The following MED12L variants were observed in gnomAD, a reference collection of about 807,000 sequenced individuals.
MED12L encodes mediator of RNA polymerase II transcription subunit 12-like protein.
A neutral mutation model predicts 281.3 loss-of-function variants in MED12L; 60 were observed. That is an observed-to-expected ratio of 0.21 (90% CI 0.17 to 0.26). The LOEUF (loss-of-function observed/expected upper bound fraction) is 0.26. Among genes scored for constraint, MED12L ranks in the 10% least tolerant of loss-of-function variants. MED12L has a pLI of 1.00. For synonymous variants in MED12L, 974 were observed against 987.2 expected, an observed-to-expected ratio of 0.99 and a Z score of 0.25; for missense variants, 2,146 against 2,680.9, an observed-to-expected ratio of 0.80 and a Z score of 4.41.
chr3:151,337,516 G>T, intron 16 of MED12L: 1 of 308,804 alleles, frequency 3.2e-6, no homozygotes, highest in Non-Finnish European at 6.0e-6. Context: ...AATATTATAT[G>T]ATTACTCATT....
intron 16 of MED12L, among the ~76,000 whole-genome samples, chr3:151,301,090 G>GT (rs750770373): frequency 1.5e-4 from 23 of 152,058 alleles, no homozygotes; most frequent in Admixed American, 3.3e-4. Context: ...GTCAGAAAGT[G>GT]TTTTTTTGGT....
At chr3:151,213,948 A>G (rs1257914732) in intron 16 of MED12L, 1 of 1,614,130 alleles carries the variant, frequency 6.2e-7, no homozygotes, top group Non-Finnish European at 8.5e-7. Flanking sequence ...GAGGCTTTAC[A>G]ATTTTATAAT....
At chr3:151,379,623 C>T (rs1711877086) in intron 31 of MED12L, among the ~76,000 whole-genome samples, 1 of 152,182 alleles carries the variant, frequency 6.6e-6, no homozygotes, top group African/African-American at 2.4e-5. Flanking sequence ...TACTAACACC[C>T]TGCTTTTTGG....
chr3:151,185,278 T>C, intron 11 of MED12L, 52 bp from the exon 12 acceptor site: 1 of 1,579,150 alleles, frequency 6.3e-7, no homozygotes, highest in East Asian at 2.3e-5. Context: ...TGCCTCTTGC[T>C]GGGTGAATGT....
chr3:151,191,124 C>T (rs1283625357), intron 14 of MED12L, among the ~76,000 whole-genome samples, 193 bp downstream of exon 14: 3 of 152,154 alleles, frequency 2.0e-5, no homozygotes, highest in Admixed American at 6.6e-5. Flanking sequence ...CAGAATTTCC[C>T]TTTGGATACT....
chr3:151,233,809 C>G (rs905424349), intron 16 of MED12L, among the ~76,000 whole-genome samples: 6 of 152,242 alleles, frequency 3.9e-5, no homozygotes, highest in Admixed American at 3.3e-4. Context: ...GTTCCTGTTC[C>G]TCCTCTGCCA....
chr3:151,222,782 G>C (rs1256926608), intron 16 of MED12L, among the ~76,000 whole-genome samples: 2 of 152,084 alleles, frequency 1.3e-5, no homozygotes, highest in Non-Finnish European at 1.5e-5. Context: ...TTTTCCCCCA[G>C]ATCCTGTGCC....
intron 16 of MED12L, among the ~76,000 whole-genome samples, chr3:151,214,919 AAG>A (rs1419347597): frequency 6.6e-6 from 1 of 152,160 alleles, no homozygotes; most frequent in Non-Finnish European, 1.5e-5. Flanking sequence ...TTTTTCCTAA[AAG>A]AGAAATTTTT....
intron 16 of MED12L, among the ~76,000 whole-genome samples, chr3:151,236,934 C>G (rs1034095012): frequency 6.6e-6 from 1 of 151,144 alleles, no homozygotes; most frequent in Non-Finnish European, 1.5e-5. Context: ...AGATGCATAT[C>G]TTTGTTGCCT....
intron 5 of MED12L, among the ~76,000 whole-genome samples, chr3:151,133,445 C>T (rs1291312296): frequency 2.0e-5 from 3 of 152,086 alleles, no homozygotes; most frequent in Admixed American, 6.5e-5. Context: ...GAGTGAGAAG[C>T]GCCTTGGGTT....
chr3:151,118,361 A>G (rs1308482847), intron 3 of MED12L, among the ~76,000 whole-genome samples: 2 of 152,178 alleles, frequency 1.3e-5, no homozygotes, highest in Admixed American at 6.5e-5. Context: ...TTGTTAAACT[A>G]TCAACTGAAA....
chr3:151,298,707 G>A (rs1460420393), intron 16 of MED12L, among the ~76,000 whole-genome samples: 1 of 152,170 alleles, frequency 6.6e-6, no homozygotes, highest in Non-Finnish European at 1.5e-5. Context: ...GGGGGAATAG[G>A]TTTGTGCATG....
At chr3:151,301,158 A>G (rs1745865585) in intron 16 of MED12L, among the ~76,000 whole-genome samples, 1 of 152,200 alleles carries the variant, frequency 6.6e-6, no homozygotes, top group African/African-American at 2.4e-5. Context: ...GGGTGCCAGC[A>G]TCACATTATT....
intron 16 of MED12L, among the ~76,000 whole-genome samples, chr3:151,204,724 G>A (rs548754795): frequency 6.6e-6 from 1 of 152,340 alleles, no homozygotes; most frequent in Non-Finnish European, 1.5e-5. Context: ...GAGATGAGTG[G>A]AGTTGACTGC....
chr3:151,352,159 C>G (rs983210636), intron 17 of MED12L, among the ~76,000 whole-genome samples: 2 of 152,096 alleles, frequency 1.3e-5, no homozygotes, highest in Admixed American at 1.3e-4. Context: ...TTATTTTTCT[C>G]TTGGGGATGC....
intron 5 of MED12L, among the ~76,000 whole-genome samples, chr3:151,150,137 C>G (rs1330530228): frequency 6.6e-6 from 1 of 152,140 alleles, no homozygotes; most frequent in Non-Finnish European, 1.5e-5. Flanking sequence ...TTACTGTGCC[C>G]AGATCCTTCA....
chr3:151,306,530 C>G (rs1746680351), intron 16 of MED12L, among the ~76,000 whole-genome samples: 1 of 152,210 alleles, frequency 6.6e-6, no homozygotes, highest in Admixed American at 6.5e-5. Flanking sequence ...TGCTCTCTCC[C>G]CAGAAGGGCT....
At chr3:151,176,683 A>ATCCTTTCAGATATTTATTCCTGTCTCTTC in intron 11 of MED12L, among the ~76,000 whole-genome samples, 1 of 152,194 alleles carries the variant, frequency 6.6e-6, no homozygotes, top group African/African-American at 2.4e-5. Flanking sequence ...ACATTGCCAT[A>ATCCTTTCAGATATTTATTCCTGTCTCTTC]TCCTTTCAGA....
At chr3:151,107,794 C>G (rs1722259672) in intron 2 of MED12L, among the ~76,000 whole-genome samples, 1 of 152,114 alleles carries the variant, frequency 6.6e-6, no homozygotes, top group Admixed American at 6.5e-5. Flanking sequence ...TGAGTTATTC[C>G]TGTCTCCTTT....
Sources: allele counts gnomAD v4.1 joint callset (sites outside exome capture counted in the v4.1 genomes callset), GRCh38; gene constraint gnomAD v4.1.1; transcripts MANE v1.5; gene names NCBI Gene and HGNC (gene_info 2026-07-23, HGNC 2026-07-21).